ATRNL1: variants seen among roughly 807,000 people sequenced by gnomAD.
ATRNL1 encodes the protein attractin-like protein 1.
Under a neutral mutation model 182.7 loss-of-function variants are expected in ATRNL1, and 95 were observed. The observed-to-expected ratio is 0.52, with a 90% CI of 0.44 to 0.62. ATRNL1 has a LOEUF of 0.62. Among genes scored for constraint, ATRNL1 ranks in the 20% least tolerant of loss-of-function variants. ATRNL1 has a pLI of 0.00. For synonymous variants in ATRNL1, 576 were observed against 568.3 expected (o/e 1.01, Z -0.19); for missense variants, 1,471 against 1,679.5 (o/e 0.88, Z 2.17).
At chr10:115,588,804 A>G (rs534805542) in intron 26 of ATRNL1, among the ~76,000 whole-genome samples, 2 of 152,320 alleles carry the variant, frequency 1.3e-5, no homozygotes, top group East Asian at 3.9e-4. Flanking sequence ...CTGTTTATTT[A>G]GTGCATCTAT....
At chr10:115,477,587 C>T (rs539713215) in intron 24 of ATRNL1, among the ~76,000 whole-genome samples, 4 of 151,618 alleles carry the variant, frequency 2.6e-5, no homozygotes, top group South Asian at 2.1e-4. Context: ...AGTTTTTTGG[C>T]TTCTCTGCTC....
chr10:115,199,434 C>T (rs1391067819), intron 8 of ATRNL1, among the ~76,000 whole-genome samples: 1 of 151,818 alleles, frequency 6.6e-6, no homozygotes, highest in Admixed American at 6.6e-5. Flanking sequence ...CGTAGTGGCA[C>T]GTGCCTTTAG....
chr10:115,663,417 T>A (rs1175370861), intron 26 of ATRNL1, among the ~76,000 whole-genome samples: 1 of 152,102 alleles, frequency 6.6e-6, no homozygotes, highest in Non-Finnish European at 1.5e-5. Context: ...TGTTTATATA[T>A]CTTAAATGCA....
At chr10:115,276,810 T>G (rs1376423530) in intron 13 of ATRNL1, among the ~76,000 whole-genome samples, 4 of 152,148 alleles carry the variant, frequency 2.6e-5, no homozygotes, top group African/African-American at 7.2e-5. Context: ...ATAATAGCTT[T>G]CTTTTACCAT....
chr10:115,132,174 C>T (rs904374029), intron 5 of ATRNL1, among the ~76,000 whole-genome samples: 24 of 147,524 alleles, frequency 1.6e-4, no homozygotes, highest in African/African-American at 6.1e-4. Flanking sequence ...AGTGAGAACA[C>T]GCGGTGTTTG....
At chr10:115,687,716 G>A (rs1946262542) in intron 26 of ATRNL1, among the ~76,000 whole-genome samples, 2 of 151,954 alleles carry the variant, frequency 1.3e-5, no homozygotes, top group African/African-American at 4.8e-5. Flanking sequence ...CAGGGTCCAT[G>A]GGAGTGTTTG....
chr10:115,224,326 A>AG (rs1479883174), intron 9 of ATRNL1, among the ~76,000 whole-genome samples: 1 of 152,086 alleles, frequency 6.6e-6, no homozygotes, highest in Non-Finnish European at 1.5e-5. Context: ...TCAGCTAAGG[A>AG]GGGGCACTTA....
rs190852458 is a variant in ATRNL1, at chr10:115,794,921, A to G, written c.3904-52956A>G. The stretch of plus-strand genomic sequence containing the variant: ...ACCTTCCTATTTTATTCACTGAATA[A>G]TAATCTGTTACTATCATTATTTTGA... On this transcript the variant is annotated intron_variant, in intron 27 of 28. Coordinates refer to ENST00000355044, the MANE Select transcript of ATRNL1 (RefSeq NM_207303.4). 1.8e-3 allele frequency among the ~76,000 whole-genome samples: 280 copies of G among 152,304 alleles called. 1 individual carries two copies. Among genetic ancestry groups the G allele is most frequent in the Non-Finnish European group, 3.0e-3 (202 of 68,024 alleles).
At chr10:115,532,566 T>C (rs1851663392) in intron 25 of ATRNL1, among the ~76,000 whole-genome samples, 1 of 151,834 alleles carries the variant, frequency 6.6e-6, no homozygotes, top group South Asian at 2.1e-4. Context: ...TCATGTCGTC[T>C]GCAAACAGGG....
At chr10:115,406,286 T>G (rs1554958234) in intron 20 of ATRNL1, among the ~76,000 whole-genome samples, 3 of 152,192 alleles carry the variant, frequency 2.0e-5, no homozygotes, top group Admixed American at 1.3e-4. Flanking sequence ...CCACAATGGT[T>G]GTTTTCTTTT....
chr10:115,529,959 C>A (rs1028599368), intron 25 of ATRNL1, among the ~76,000 whole-genome samples: 1 of 152,108 alleles, frequency 6.6e-6, no homozygotes, highest in African/African-American at 2.4e-5. Flanking sequence ...CTATTCTGGA[C>A]ATCTTATATA....
intron 28 of ATRNL1, among the ~76,000 whole-genome samples, chr10:115,935,659 A>T (rs1377221126): frequency 1.3e-5 from 2 of 152,184 alleles, no homozygotes; most frequent in East Asian, 3.9e-4. Flanking sequence ...CATCTGTGAC[A>T]TCAGGACAAA....
At chr10:115,932,284 G>C (rs1178156516) in intron 28 of ATRNL1, among the ~76,000 whole-genome samples, 1 of 152,136 alleles carries the variant, frequency 6.6e-6, no homozygotes, top group Non-Finnish European at 1.5e-5. Context: ...GTACTATCAG[G>C]GTCCTGGATC....
At chr10:115,369,360 G>T (rs567931328) in intron 19 of ATRNL1, among the ~76,000 whole-genome samples, 27 of 152,018 alleles carry the variant, frequency 1.8e-4, no homozygotes, top group Non-Finnish European at 3.2e-4. Flanking sequence ...ATAGGATTCT[G>T]TGAAGGCGAT....
chr10:115,899,027 A>G (rs545509014), intron 28 of ATRNL1, among the ~76,000 whole-genome samples: 2 of 151,408 alleles, frequency 1.3e-5, no homozygotes, highest in South Asian at 4.2e-4. Flanking sequence ...TTACACATGT[A>G]TACATGTGCC....
chr10:115,495,004 C>T (rs1250395755), intron 24 of ATRNL1, among the ~76,000 whole-genome samples: 7 of 151,970 alleles, frequency 4.6e-5, no homozygotes, highest in African/African-American at 1.7e-4. Context: ...ATTTCTGATT[C>T]CATTTTGGAA....
In ATRNL1 at chr10:115,588,165, G is replaced by T. The variant is rs1855681290; in HGVS notation, c.3795+38629G>T. Among the ~76,000 whole-genome samples, 3 of 152,242 alleles carry T rather than the reference G, an allele frequency of 2.0e-5. 1 individual carries two copies. The South Asian group carries it at 6.2e-4, about 32-fold the overall frequency. On this transcript the variant is annotated intron_variant, in intron 26 of 28. Coordinates refer to ENST00000355044, the MANE Select transcript of ATRNL1 (RefSeq NM_207303.4). ...TGGAAAATGTTAAACCTGATATGTA[G>T]CATCAGTTTGGCTCTCCGGAATCAT...
intron 26 of ATRNL1, among the ~76,000 whole-genome samples, chr10:115,630,616 G>A (rs550748156): frequency 6.6e-6 from 1 of 150,444 alleles, no homozygotes; most frequent in South Asian, 2.1e-4. Context: ...TTTGTCCATT[G>A]ATAGATGGAT....
intron 26 of ATRNL1, among the ~76,000 whole-genome samples, chr10:115,605,425 C>T (rs1390276931): frequency 6.6e-6 from 1 of 151,916 alleles, no homozygotes; most frequent in Non-Finnish European, 1.5e-5. Context: ...TCTGTAACTA[C>T]AGTTAGCATA....
Sources: gnomAD v4.1 joint callset for allele counts (sites outside exome capture counted in the v4.1 genomes callset) on GRCh38, gnomAD v4.1.1 for gene constraint, MANE v1.5 for transcripts, NCBI Gene and HGNC (gene_info 2026-07-23, HGNC 2026-07-21) for gene names.